ADAMTS12: variants seen among roughly 807,000 people sequenced by gnomAD.
ADAMTS12 encodes A disintegrin and metalloproteinase with thrombospondin motifs 12.
ADAMTS12 carries 118 observed loss-of-function variants against 167.8 expected under a neutral mutation model. The ratio of observed to expected loss-of-function variants is 0.70; its 90% CI spans 0.61 to 0.82. The LOEUF (loss-of-function observed/expected upper bound fraction) is 0.82, where lower values mean the gene tolerates loss of function less well. Ranked by LOEUF, ADAMTS12 falls within the 40% of genes least tolerant of loss-of-function variation. ADAMTS12 has a pLI of 0.00. For synonymous variants in ADAMTS12, 704 were observed against 716.9 expected (o/e 0.98, Z 0.29); for missense variants, 1,916 against 1,998.8 (o/e 0.96, Z 0.79).
intron 2 of ADAMTS12, among the ~76,000 whole-genome samples, chr5:33,853,267 C>T (rs1749284636): frequency 6.6e-6 from 1 of 152,188 alleles, no homozygotes; most frequent in Admixed American, 6.5e-5. Flanking sequence ...AGGAATAAAA[C>T]CATCAACAAT....
chr5:33,610,981 G>T (rs753045506), intron 16 of ADAMTS12, among the ~76,000 whole-genome samples: 1 of 151,970 alleles, frequency 6.6e-6, no homozygotes, highest in Non-Finnish European at 1.5e-5. Context: ...GCAAGAGATC[G>T]CTCGAACCCA....
intron 19 of ADAMTS12, 52 bp downstream of exon 19, chr5:33,576,002 A>G: frequency 6.5e-7 from 1 of 1,539,992 alleles, no homozygotes; most frequent in Non-Finnish European, 8.7e-7. Context: ...TGAATTTAAC[A>G]CTCCTAGCTT....
intron 3 of ADAMTS12, among the ~76,000 whole-genome samples, chr5:33,711,837 G>C (rs1315109264): frequency 6.6e-6 from 1 of 152,188 alleles, no homozygotes; most frequent in Admixed American, 6.5e-5. Context: ...GCAGAAAGCA[G>C]ATCACTGATC....
chr5:33,601,660 T>C (rs1738195958), intron 16 of ADAMTS12, among the ~76,000 whole-genome samples: 2 of 152,128 alleles, frequency 1.3e-5, no homozygotes, highest in African/African-American at 4.8e-5. Context: ...AAAAGAACAT[T>C]GACATTGACT....
chr5:33,654,825 T>C (rs1170781058), intron 7 of ADAMTS12, among the ~76,000 whole-genome samples: 1 of 152,020 alleles, frequency 6.6e-6, no homozygotes, highest in Non-Finnish European at 1.5e-5. Context: ...TGTTAGACTG[T>C]CCCTTTCCTA....
chr5:33,637,048 C>T (rs1212466434), intron 12 of ADAMTS12, among the ~76,000 whole-genome samples: 1 of 152,088 alleles, frequency 6.6e-6, no homozygotes, highest in Non-Finnish European at 1.5e-5. Context: ...CTTGCCTTTC[C>T]GCCTGTTATT....
intron 5 of ADAMTS12, among the ~76,000 whole-genome samples, chr5:33,665,848 G>C (rs1338485790): frequency 1.3e-5 from 2 of 152,180 alleles, no homozygotes; most frequent in African/African-American, 4.8e-5. Flanking sequence ...GATTTATGGG[G>C]ATCACATCTC....
In ADAMTS12 at chr5:33,630,864, C is replaced by T. The variant is rs1054506655; in HGVS notation, c.1938G>A (p.Glu646=). The T allele has an allele frequency of 6.2e-7, 1 of 1,613,690 alleles. No individual in the cohort carries two copies. The highest frequency in any genetic ancestry group is 1.3e-5 in the African/African-American group (1 of 75,012). The change falls in exon 13 of 24, where the codon GAG becomes GAA. Residue 646 remains glutamate (E), a synonymous_variant. Coordinates refer to ENST00000504830, the MANE Select transcript of ADAMTS12 (RefSeq NM_030955.4). ...YCRPIDGQFS[E]KMLDAVIDGT... ...CATCAATGACAGCATCCAGCATTTT[C>T]TCAGAAAACTGGCCATCTATGGGTC... is the stretch of plus-strand genomic sequence containing the variant.
At chr5:33,811,218 GAT>G (rs764792475) in intron 2 of ADAMTS12, among the ~76,000 whole-genome samples, 14 of 152,196 alleles carry the variant, frequency 9.2e-5, no homozygotes, top group Non-Finnish European at 1.9e-4. Context: ...TCACCAGGAT[GAT>G]CAACACTAGA....
intron 14 of ADAMTS12, among the ~76,000 whole-genome samples, chr5:33,618,950 A>C (rs1739168309): frequency 6.6e-6 from 1 of 152,098 alleles, no homozygotes; most frequent in Non-Finnish European, 1.5e-5. Flanking sequence ...TAATGTTGAC[A>C]CTCCTTTCCA....
intron 3 of ADAMTS12, among the ~76,000 whole-genome samples, chr5:33,731,439 C>T (rs2112353657): frequency 6.6e-6 from 1 of 152,316 alleles, no homozygotes. Flanking sequence ...CTCATCATGG[C>T]AATCCTAAGC....
chr5:33,811,221 C>A (rs781215380), intron 2 of ADAMTS12, among the ~76,000 whole-genome samples: 6 of 152,136 alleles, frequency 3.9e-5, no homozygotes, highest in Non-Finnish European at 5.9e-5. Flanking sequence ...CCAGGATGAT[C>A]AACACTAGAG....
chr5:33,576,753 G>A lies in ADAMTS12; in HGVS notation c.3273C>T (p.Ile1091=). Residue 1091 remains isoleucine (I), a synonymous_variant, in exon 19 of 24, where the codon ATC becomes ATT. Coordinates refer to ENST00000504830, the MANE Select transcript of ADAMTS12 (RefSeq NM_030955.4). ...LISTGSTSQP[I]LTSQSLSIQP... is the part of the protein sequence containing the mutation. ...GAATGCTCAAGGATTGGGAAGTGAG[G>A]ATGGGCTGGGAAGTGCTTCCAGTGG... 6.2e-7 allele frequency: 1 copy of A among 1,614,246 alleles called. No homozygotes were observed. Among genetic ancestry groups the A allele is most frequent in the Non-Finnish European group, 8.5e-7 (1 of 1,180,044 alleles).
chr5:33,731,254 C>T (rs141714036), intron 3 of ADAMTS12, among the ~76,000 whole-genome samples: 24 of 149,440 alleles, frequency 1.6e-4, no homozygotes, highest in East Asian at 1.2e-3. Flanking sequence ...GGTGTGATCT[C>T]GGCTCACTGC....
At chr5:33,740,560 T>A (rs886835237) in intron 3 of ADAMTS12, among the ~76,000 whole-genome samples, 1 of 151,982 alleles carries the variant, frequency 6.6e-6, no homozygotes, top group Non-Finnish European at 1.5e-5. Context: ...GTCCCCTGAG[T>A]CACTTGCCAA....
At chr5:33,847,848 G>A (rs1444028940) in intron 2 of ADAMTS12, among the ~76,000 whole-genome samples, 3 of 152,132 alleles carry the variant, frequency 2.0e-5, no homozygotes. Flanking sequence ...GAATGAGGTA[G>A]AAGACTGTAT....
intron 19 of ADAMTS12, among the ~76,000 whole-genome samples, chr5:33,568,969 C>T (rs559099535): frequency 2.0e-4 from 31 of 152,370 alleles, no homozygotes; most frequent in Admixed American, 9.8e-4. Flanking sequence ...GAGGGTCCTA[C>T]GCCCACGGAG....
intron 20 of ADAMTS12, among the ~76,000 whole-genome samples, chr5:33,553,695 A>G (rs956457266): frequency 6.6e-6 from 1 of 152,204 alleles, no homozygotes; most frequent in African/African-American, 2.4e-5. Flanking sequence ...GGGGAACACC[A>G]CACACTGGGG....
At chr5:33,628,227 A>G (rs1330936368) in intron 13 of ADAMTS12, among the ~76,000 whole-genome samples, 1 of 152,060 alleles carries the variant, frequency 6.6e-6, no homozygotes, top group Non-Finnish European at 1.5e-5. Flanking sequence ...AAGAGGGGAG[A>G]GAGCTGGAAG....
Sources: gnomAD v4.1 joint callset for allele counts (sites outside exome capture counted in the v4.1 genomes callset) on GRCh38, gnomAD v4.1.1 for gene constraint, MANE v1.5 for transcripts, NCBI Gene and HGNC (gene_info 2026-07-23, HGNC 2026-07-21) for gene names.